The following MAP3K15 variants were observed in gnomAD, a reference collection of about 807,000 sequenced individuals.
MAP3K15 encodes mitogen-activated protein kinase kinase kinase 15.
Under a neutral mutation model 99.5 loss-of-function variants are expected in MAP3K15, and 124 were observed. The observed-to-expected ratio is 1.25, with a 90% CI of 1.08 to 1.45. The LOEUF is 1.45. Among genes scored for constraint, MAP3K15 ranks in the 40% most tolerant of loss-of-function variants. The pLI is 0.00. For missense variants in MAP3K15, 1,242 were observed against 1,079.7 expected (o/e 1.15, Z -2.11); for synonymous variants, 494 against 439.6 (o/e 1.12, Z -1.55).
chrX:19,482,923 C>G (rs2064300639), intron 3 of MAP3K15, among the ~76,000 whole-genome samples: 1 of 110,887 alleles, frequency 9.0e-6, no homozygotes, highest in South Asian at 3.9e-4. Flanking sequence ...GTTTGGCTTC[C>G]TGGCCTCGGC....
chrX:19,424,332 AT>A (rs761929076), intron 9 of MAP3K15, among the ~76,000 whole-genome samples: 3 of 106,736 alleles, frequency 2.8e-5, no homozygotes, highest in Non-Finnish European at 5.8e-5. Context: ...ATATATATAT[AT>A]TTTTTTATGC....
chrX:19,508,644 A>T (rs2064496363), intron 1 of MAP3K15, among the ~76,000 whole-genome samples: 1 of 111,909 alleles, frequency 8.9e-6, no homozygotes, highest in African/African-American at 3.2e-5. Context: ...GTAATTTGGG[A>T]GGCTGAGGTG....
At chrX:19,478,307 T>C (rs1386141769) in intron 3 of MAP3K15, among the ~76,000 whole-genome samples, 1 of 101,961 alleles carries the variant, frequency 9.8e-6, no homozygotes, top group Non-Finnish European at 2.0e-5. Flanking sequence ...CTTTCTTGTT[T>C]GAAATTGAGT....
intron 17 of MAP3K15, 81 bp from the exon 18 acceptor site, chrX:19,392,188 C>G (rs770116398): frequency 1.9e-6 from 2 of 1,035,682 alleles, no homozygotes; most frequent in Non-Finnish European, 2.7e-6. Flanking sequence ...CTTGGGAAAC[C>G]GTCACAAGTC....
rs199910687 is a variant in MAP3K15 at position 19,371,378 on chromosome X, C to A, written c.3261G>T (p.Gln1087His). 3.3e-6 allele frequency: 4 copies of A among 1,210,750 alleles called. No homozygotes were observed. The East Asian group carries it at 1.2e-4, about 36-fold the overall frequency. ...GAAATCCGAACAGCACCAGGTGAAT[C>A]TGACTGATGGACGAGCTGTCAAAGT... is the stretch of plus-strand genomic sequence containing the variant. ...DLDFDSSSIS[Q>H]IHLVLFGFQD... is the part of the protein sequence containing the mutation. Residue 1087 changes from glutamine (Q) to histidine (H), a missense_variant, in exon 23 of 29, where the codon CAG becomes CAT. Transcript: ENST00000338883.
intron 1 of MAP3K15, among the ~76,000 whole-genome samples, chrX:19,507,024 G>C (rs1176827026): frequency 1.3e-4 from 15 of 112,104 alleles, no homozygotes; most frequent in Admixed American, 1.3e-3. Flanking sequence ...GACACAACAG[G>C]TATGGGAAGA....
chrX:19,477,588 T>C (rs1206797587), intron 3 of MAP3K15, among the ~76,000 whole-genome samples: 4 of 100,216 alleles, frequency 4.0e-5, no homozygotes, highest in Non-Finnish European at 8.1e-5. Flanking sequence ...TGGGCACCTA[T>C]AATCCCAGCT....
intron 1 of MAP3K15, among the ~76,000 whole-genome samples, chrX:19,491,238 G>C (rs1188564944): frequency 9.0e-6 from 1 of 111,453 alleles, no homozygotes; most frequent in African/African-American, 3.3e-5. Context: ...AGGGATAGAA[G>C]TGTCAACAGG....
At chrX:19,438,853 T>C (rs1025412811) in intron 6 of MAP3K15, among the ~76,000 whole-genome samples, 3 of 112,038 alleles carry the variant, frequency 2.7e-5, no homozygotes, top group African/African-American at 9.7e-5. Flanking sequence ...TGTAGAAGAA[T>C]GTGAAAGGTC....
At chrX:19,397,612 T>G (rs2063575987) in intron 15 of MAP3K15, among the ~76,000 whole-genome samples, 1 of 111,071 alleles carries the variant, frequency 9.0e-6, no homozygotes, top group Non-Finnish European at 1.9e-5. Context: ...AGACTTCATC[T>G]CAAAAATGTA....
intron 6 of MAP3K15, among the ~76,000 whole-genome samples, chrX:19,440,773 T>C (rs1200122814): frequency 1.8e-5 from 2 of 112,528 alleles, no homozygotes; most frequent in Non-Finnish European, 3.8e-5. Flanking sequence ...TCCACGCTGA[T>C]AGATCCAGTT....
chrX:19,509,280 T>C (rs1270368330), intron 1 of MAP3K15, among the ~76,000 whole-genome samples: 1 of 111,668 alleles, frequency 9.0e-6, no homozygotes, highest in Non-Finnish European at 1.9e-5. Flanking sequence ...CCACCCCAAG[T>C]CAACAGAATA....
intron 1 of MAP3K15, among the ~76,000 whole-genome samples, chrX:19,504,816 T>C (rs2064464390): frequency 9.1e-6 from 1 of 109,835 alleles, no homozygotes; most frequent in South Asian, 3.9e-4. Context: ...ACTAGCCAGA[T>C]GTGGTGGCAT....
chrX:19,488,802 C>T, intron 2 of MAP3K15, 26 bp downstream of exon 2: 5 of 1,177,754 alleles, frequency 4.2e-6, no homozygotes, highest in Non-Finnish European at 2.3e-6. Context: ...AAACAAAGTA[C>T]TCAGGAGAAG....
At chrX:19,511,081 A>G (rs2064514519) in intron 1 of MAP3K15, among the ~76,000 whole-genome samples, 1 of 112,125 alleles carries the variant, frequency 8.9e-6, no homozygotes, top group Non-Finnish European at 1.9e-5. Flanking sequence ...AGGATTCCCT[A>G]TTTAATAAAT....
chrX:19,513,843 A>G (rs1299755446), intron 1 of MAP3K15, among the ~76,000 whole-genome samples: 3 of 111,081 alleles, frequency 2.7e-5, no homozygotes, highest in Non-Finnish European at 5.7e-5. Context: ...CTGTAAGGGA[A>G]AAAACGTCAA....
chrX:19,459,254 C>T (rs748365391), intron 5 of MAP3K15, among the ~76,000 whole-genome samples: 1 of 111,929 alleles, frequency 8.9e-6, no homozygotes, highest in African/African-American at 3.2e-5. Flanking sequence ...GTTACTTAAC[C>T]GCTCTGTGCC....
chrX:19,387,164 G>A (rs917281154), intron 18 of MAP3K15, among the ~76,000 whole-genome samples: 4 of 111,179 alleles, frequency 3.6e-5, no homozygotes, highest in Admixed American at 9.6e-5. Flanking sequence ...TTCACTGAGC[G>A]ACTCAGCTCC....
rs193102767 is a variant in MAP3K15, at chrX:19,373,601, G to A, written c.2868C>T (p.Asp956=). 331 of 1,185,869 alleles carry A rather than the reference G, an allele frequency of 2.8e-4. 2 individuals carry two copies. In the South Asian group the frequency reaches 4.5e-3, roughly 16 times the overall value. The part of the protein sequence containing the change: ...SEHGSVSPDS[D]AQPDALFERT... ...TCTCAAAGAGTGCGTCAGGCTGGGC[G>A]TCGGAGTCTGGGGAGACAGAGCCGT... is the stretch of plus-strand genomic sequence containing the variant. The change falls in exon 21 of 29, where the codon GAC becomes GAT. Residue 956 remains aspartate, a synonymous_variant. Transcript: ENST00000338883.
Sources: gnomAD v4.1 joint callset for allele counts (sites outside exome capture counted in the v4.1 genomes callset) on GRCh38, gnomAD v4.1.1 for gene constraint, MANE v1.5 for transcripts, NCBI Gene and HGNC (gene_info 2026-07-23, HGNC 2026-07-21) for gene names.